The following NFATC1 variants were observed in gnomAD, a reference collection of about 807,000 sequenced individuals.
NFATC1 encodes nuclear factor of activated T-cells, cytoplasmic 1.
NFATC1 carries 22 observed loss-of-function variants against 76.0 expected under a neutral mutation model. The observed-to-expected ratio is 0.29, with a 90% CI of 0.21 to 0.41. The LOEUF (loss-of-function observed/expected upper bound fraction) is 0.41. Among genes scored for constraint, NFATC1 ranks in the 10% least tolerant of loss-of-function variants. NFATC1 has a pLI of 1.00. For missense variants in NFATC1, 1,357 were observed against 1,337.7 expected (o/e 1.01, Z -0.23); for synonymous variants, 704 against 613.1 (o/e 1.15, Z -2.19).
At chr18:79,472,465 C>G (rs868689847) in intron 8 of NFATC1, among the ~76,000 whole-genome samples, 2 of 152,354 alleles carry the variant, frequency 1.3e-5, no homozygotes, top group Middle Eastern at 3.4e-3. Context: ...TCTGCCTTTT[C>G]CCTGGACTTT....
chr18:79,485,401 C>T (rs1179753403), intron 8 of NFATC1, among the ~76,000 whole-genome samples: 1 of 152,264 alleles, frequency 6.6e-6, no homozygotes, highest in Non-Finnish European at 1.5e-5. Flanking sequence ...AAAACAGCAA[C>T]CGCAGGAATG....
chr18:79,492,695 C>A (rs1456786531), intron 9 of NFATC1, among the ~76,000 whole-genome samples: 3 of 144,976 alleles, frequency 2.1e-5, no homozygotes, highest in Admixed American at 7.0e-5. Flanking sequence ...GGTGACAGAG[C>A]GAGACTCCAT....
chr18:79,401,425 T>C (rs1600580580), intron 1 of NFATC1, among the ~76,000 whole-genome samples: 3 of 152,292 alleles, frequency 2.0e-5, no homozygotes. Flanking sequence ...CTGCCTGCGG[T>C]TCTCGACTCA....
intron 9 of NFATC1, among the ~76,000 whole-genome samples, chr18:79,502,663 G>T (rs1282512633): frequency 1.3e-5 from 2 of 152,144 alleles, no homozygotes; most frequent in Non-Finnish European, 2.9e-5. Context: ...CTGGGCAAAG[G>T]ATTTGAATAG....
chr18:79,450,553 C>T (rs959243416), intron 4 of NFATC1, among the ~76,000 whole-genome samples: 4 of 152,102 alleles, frequency 2.6e-5, no homozygotes, highest in African/African-American at 7.2e-5. Context: ...TCCCCTGGGC[C>T]GCTCTCTGCC....
At position 79,458,521 on chromosome 18, in the gene NFATC1, G is replaced by T. The variant is rs1016160628; in HGVS notation, c.1904-2790G>T. 3.3e-5 allele frequency among the ~76,000 whole-genome samples: 5 copies of T among 152,224 alleles called. No homozygotes were observed. In the South Asian group the frequency reaches 1.0e-3, roughly 31 times the overall value. On this transcript the variant is annotated intron_variant, in intron 6 of 9. Transcript: ENST00000427363. ...GCCGGTCTGGGAGGCTCCTGGGCCC[G>T]CAGGCCTGCCTGTGTGGAAACCTCG...
At position 79,396,297 on chromosome 18, in the gene NFATC1, GA is replaced by G; in HGVS notation, c.76del (p.Thr26LeufsTer12). 2 of 1,446,626 alleles carry G rather than the reference GA, an allele frequency of 1.4e-6. No individual in the cohort carries two copies. The highest frequency in any genetic ancestry group is 1.3e-5 in the South Asian group (1 of 74,808). 89.6% of individuals were successfully genotyped at this position (1,446,626 alleles called of 1,614,324 possible). A position where few individuals can be genotyped will look rare whatever the true frequency, so the allele number is the denominator to read the frequency against. On this transcript the variant is annotated frameshift_variant, in exon 1 of 10. Coordinates refer to ENST00000427363, the MANE Select transcript of NFATC1 (RefSeq NM_001278669.2). LOFTEE classifies it high-confidence loss of function. ...TGCGGCTGCGGTCTTCGGGAGAGGA[GA>G]AACTTTGGGGCCCGCGCCGCGCGCC... is the stretch of plus-strand genomic sequence containing the variant. ...GPAAAVFGRG[E>X]TLGPAPRAGG...
intron 1 of NFATC1, among the ~76,000 whole-genome samples, chr18:79,406,405 CG>C (rs1475563618): frequency 6.6e-6 from 1 of 152,000 alleles, no homozygotes; most frequent in African/African-American, 2.4e-5. Flanking sequence ...GAGAGGAAGT[CG>C]GGGTGTGGGA....
intron 2 of NFATC1, among the ~76,000 whole-genome samples, chr18:79,412,731 T>C (rs1208701711): frequency 6.6e-6 from 1 of 152,224 alleles, no homozygotes; most frequent in East Asian, 1.9e-4. Context: ...GAAACAGTGT[T>C]AGAGCTGACA....
intron 9 of NFATC1, chr18:79,493,456 T>G (rs4297774): frequency 0.076 from 11,502 of 152,296 alleles, 534 homozygotes; most frequent in Admixed American, 0.11. Flanking sequence ...CCGTGTCCCC[T>G]GGGCCGCCGC....
intron 8 of NFATC1, among the ~76,000 whole-genome samples, chr18:79,480,389 G>C (rs1006981726): frequency 6.6e-6 from 1 of 152,062 alleles, no homozygotes; most frequent in Non-Finnish European, 1.5e-5. Flanking sequence ...TGGGCCTTCT[G>C]CTTGCCCCTG....
At chr18:79,428,249 C>T (rs1031249747) in intron 2 of NFATC1, among the ~76,000 whole-genome samples, 2 of 152,304 alleles carry the variant, frequency 1.3e-5, no homozygotes, top group East Asian at 3.9e-4. Flanking sequence ...AGAAGTTTTA[C>T]CGCTGCTGGT....
At chr18:79,513,759 C>T (rs890182524) in intron 9 of NFATC1, among the ~76,000 whole-genome samples, 1 of 152,222 alleles carries the variant, frequency 6.6e-6, no homozygotes, top group African/African-American at 2.4e-5. Context: ...TGTGTGCTGC[C>T]GAGCTCCAGG....
chr18:79,424,142 C>T (rs990184710), intron 2 of NFATC1, among the ~76,000 whole-genome samples: 5 of 152,220 alleles, frequency 3.3e-5, no homozygotes, highest in African/African-American at 9.6e-5. Context: ...GTGAAGGCTG[C>T]GTCCAGCGGC....
intron 9 of NFATC1, among the ~76,000 whole-genome samples, chr18:79,508,449 C>T (rs1216053383): frequency 6.6e-6 from 1 of 151,740 alleles, no homozygotes; most frequent in Non-Finnish European, 1.5e-5. Context: ...GAAAAGAGCT[C>T]AGAAATGTTT....
At chr18:79,405,304 T>C (rs572208844) in intron 1 of NFATC1, among the ~76,000 whole-genome samples, 1 of 152,342 alleles carries the variant, frequency 6.6e-6, no homozygotes, top group Admixed American at 6.5e-5. Flanking sequence ...ATTTAGTGAA[T>C]CCTCCTTGGC....
At chr18:79,517,949 C>T (rs1387624488) in intron 9 of NFATC1, among the ~76,000 whole-genome samples, 3 of 152,262 alleles carry the variant, frequency 2.0e-5, no homozygotes, top group Non-Finnish European at 4.4e-5. Context: ...AAGGATTAAA[C>T]AGTGTATTTG....
chr18:79,464,475 C>A (rs937625437), intron 7 of NFATC1, among the ~76,000 whole-genome samples: 3 of 150,872 alleles, frequency 2.0e-5, no homozygotes, highest in Non-Finnish European at 4.4e-5. Context: ...TCATACTCAT[C>A]GTGGACATTT....
intron 9 of NFATC1, among the ~76,000 whole-genome samples, chr18:79,491,260 CGGA>C (rs917649824): frequency 1.3e-5 from 2 of 152,042 alleles, no homozygotes; most frequent in African/African-American, 4.8e-5. Flanking sequence ...AGTTCGGGGG[CGGA>C]GAAGAATAGG....
Sources: allele counts gnomAD v4.1 joint callset (sites outside exome capture counted in the v4.1 genomes callset), GRCh38; gene constraint gnomAD v4.1.1; transcripts MANE v1.5; gene names NCBI Gene and HGNC (gene_info 2026-07-23, HGNC 2026-07-21).